Variants in NAALADL2 observed in about 807,000 individuals in gnomAD.
NAALADL2 encodes N-acetylated alpha-linked acidic dipeptidase like 2.
NAALADL2 carries 76 observed loss-of-function variants against 87.2 expected under a neutral mutation model. The observed-to-expected ratio is 0.87, with a 90% confidence interval of 0.72 to 1.05. NAALADL2 has a LOEUF of 1.05. Ranked by LOEUF, NAALADL2 falls within the 50% of genes least tolerant of loss-of-function variation. The pLI is 0.00. For synonymous variants in NAALADL2, 354 were observed against 331.0 expected (o/e 1.07, Z -0.75); for missense variants, 1,089 against 945.8 (o/e 1.15, Z -1.99).
At chr3:175,076,309 C>G (rs1246638147) in intron 1 of NAALADL2, among the ~76,000 whole-genome samples, 2 of 147,218 alleles carry the variant, frequency 1.4e-5, no homozygotes, top group Non-Finnish European at 3.0e-5. Flanking sequence ...TCTGCCAAAT[C>G]GTGTATTTCA....
chr3:175,387,688 G>A (rs1186798008), intron 5 of NAALADL2, among the ~76,000 whole-genome samples: 1 of 151,978 alleles, frequency 6.6e-6, no homozygotes, highest in Non-Finnish European at 1.5e-5. Flanking sequence ...AATGATTTGT[G>A]TTTAAAAACA....
intron 2 of NAALADL2, among the ~76,000 whole-genome samples, chr3:174,572,544 T>C (rs1436521189): frequency 6.6e-6 from 1 of 152,144 alleles, no homozygotes; most frequent in Non-Finnish European, 1.5e-5. Context: ...AAATGAGGTA[T>C]AAAAATTTGC....
chr3:174,903,050 T>G (rs542311538), intron 1 of NAALADL2, among the ~76,000 whole-genome samples: 2 of 152,130 alleles, frequency 1.3e-5, no homozygotes, highest in African/African-American at 4.8e-5. Flanking sequence ...AAGCTATTTC[T>G]AATTTCTCAA....
chr3:175,044,920 G>A (rs181349031), intron 1 of NAALADL2, among the ~76,000 whole-genome samples: 22 of 142,806 alleles, frequency 1.5e-4, no homozygotes, highest in African/African-American at 4.2e-4. Context: ...GCGAAGGGGC[G>A]CAATTTCTGA....
At chr3:174,457,246 CTG>C (rs540738945) in intron 1 of NAALADL2, among the ~76,000 whole-genome samples, 183 of 152,268 alleles carry the variant, frequency 1.2e-3, no homozygotes, top group Non-Finnish European at 1.7e-3. Flanking sequence ...CACTTAGACA[CTG>C]TTGTTGGGTG....
At chr3:175,411,845 A>G (rs1480315198) in intron 5 of NAALADL2, among the ~76,000 whole-genome samples, 2 of 152,108 alleles carry the variant, frequency 1.3e-5, no homozygotes, top group Non-Finnish European at 2.9e-5. Flanking sequence ...TCAACTCATC[A>G]GAGCCACTGG....
intron 13 of NAALADL2, 86 bp downstream of exon 13, chr3:175,755,504 A>C: frequency 2.1e-6 from 2 of 943,634 alleles, no homozygotes; most frequent in Non-Finnish European, 3.0e-6. Flanking sequence ...TTCTATGAAC[A>C]TAACAGTAGT....
chr3:175,739,886 A>C (rs1042464807), intron 12 of NAALADL2, among the ~76,000 whole-genome samples: 2 of 152,240 alleles, frequency 1.3e-5, no homozygotes, highest in African/African-American at 2.4e-5. Context: ...AATATTAATT[A>C]CTTTGATACA....
chr3:175,317,969 T>C (rs1759365503), intron 4 of NAALADL2, among the ~76,000 whole-genome samples: 2 of 152,256 alleles, frequency 1.3e-5, no homozygotes, highest in Middle Eastern at 3.4e-3. Context: ...AAAATAGATA[T>C]TGTTGCAGAG....
At chr3:174,907,283 A>G (rs564831745) in intron 1 of NAALADL2, among the ~76,000 whole-genome samples, 1 of 152,214 alleles carries the variant, frequency 6.6e-6, no homozygotes, top group African/African-American at 2.4e-5. Flanking sequence ...GAAGAAGAAA[A>G]AAAAGATACA....
intron 5 of NAALADL2, among the ~76,000 whole-genome samples, chr3:175,399,943 A>G (rs555896597): frequency 1.3e-5 from 2 of 152,254 alleles, no homozygotes; most frequent in Admixed American, 1.3e-4. Context: ...AGATTCCAAC[A>G]TTTTATGTAA....
intron 3 of NAALADL2, among the ~76,000 whole-genome samples, chr3:174,812,651 C>T (rs1442538523): frequency 6.6e-6 from 1 of 151,686 alleles, no homozygotes; most frequent in Non-Finnish European, 1.5e-5. Context: ...ATAACAGGTC[C>T]ATGCATGCTA....
At chr3:174,563,935 C>G (rs373026801) in intron 2 of NAALADL2, among the ~76,000 whole-genome samples, 3 of 152,158 alleles carry the variant, frequency 2.0e-5, no homozygotes, top group Admixed American at 6.6e-5. Flanking sequence ...TTAAACCTTC[C>G]GTAGATGGGG....
chr3:174,848,528 C>A (rs1345653788), intron 3 of NAALADL2, among the ~76,000 whole-genome samples: 2 of 152,106 alleles, frequency 1.3e-5, no homozygotes, highest in Non-Finnish European at 2.9e-5. Flanking sequence ...AAAATGTGCT[C>A]AGTAATTTTT....
chr3:174,986,253 TATATATACACAATATATATATATAAA>T (rs1188637237), intron 1 of NAALADL2, among the ~76,000 whole-genome samples: 1 of 144,602 alleles, frequency 6.9e-6, no homozygotes, highest in African/African-American at 2.7e-5. Context: ...ATATATTCAA[TATATATACACAATATATATATATAAA>T]ATATATACAC....
At chr3:175,161,689 C>T (rs1484198547) in intron 2 of NAALADL2, among the ~76,000 whole-genome samples, 1 of 129,876 alleles carries the variant, frequency 7.7e-6, no homozygotes, top group Admixed American at 9.2e-5. Context: ...CATCATATAG[C>T]AATTACTTTT....
chr3:175,001,578 C>T lies in NAALADL2; in HGVS notation c.44-95212C>T, dbSNP rs192442968. ...TTCATTCTTTTGGGAGTCCAGATAA[C>T]TCTTTTCTTGACCATTTACTTATCT... On this transcript the variant is annotated intron_variant, in intron 1 of 13. Coordinates refer to ENST00000454872, the MANE Select transcript of NAALADL2 (RefSeq NM_207015.3). 6.4e-4 allele frequency among the ~76,000 whole-genome samples: 97 copies of T among 152,270 alleles called. No homozygotes were observed. In the Middle Eastern group the frequency reaches 0.014, roughly 21 times the overall value.
At chr3:175,646,501 T>C (rs1471025377) in intron 11 of NAALADL2, among the ~76,000 whole-genome samples, 1 of 152,088 alleles carries the variant, frequency 6.6e-6, no homozygotes. Context: ...TAGTCATTTT[T>C]TTCTTTTTTA....
At chr3:175,474,684 A>G (rs1725401869) in intron 9 of NAALADL2, among the ~76,000 whole-genome samples, 1 of 151,936 alleles carries the variant, frequency 6.6e-6, no homozygotes, top group Admixed American at 6.6e-5. Context: ...GCATCACACA[A>G]CTGCTGCTGG....
Sources: allele counts gnomAD v4.1 joint callset (sites outside exome capture counted in the v4.1 genomes callset), GRCh38; gene constraint gnomAD v4.1.1; transcripts MANE v1.5; gene names NCBI Gene and HGNC (gene_info 2026-07-23, HGNC 2026-07-21).